Variants in HSD17B14 observed in about 807,000 individuals in gnomAD.
HSD17B14 encodes hydroxysteroid 17-beta dehydrogenase 14, also known as L-fucose dehydrogenase.
HSD17B14 carries 32 observed loss-of-function variants against 32.2 expected under a neutral mutation model. That is an observed-to-expected ratio of 0.99 (90% CI 0.75 to 1.33). The LOEUF (loss-of-function observed/expected upper bound fraction) is 1.33, where lower values mean the gene tolerates loss of function less well. Ranked by LOEUF, HSD17B14 falls within the 40% of genes most tolerant of loss-of-function variation. The pLI, the probability that HSD17B14 is intolerant of heterozygous loss-of-function variation, is 0.00. For missense variants in HSD17B14, 370 were observed against 366.5 expected, an observed-to-expected ratio of 1.01 and a Z score of -0.08; for synonymous variants, 140 against 155.4, an observed-to-expected ratio of 0.90 and a Z score of 0.74.
At position 48,813,168 on chromosome 19, in the gene HSD17B14, A is replaced by G. The variant is rs1157749980; in HGVS notation, c.*7T>C. Reference sequence around the variant, plus strand: ...AGGAAGGGGGCCCCAAGTAGAAATGAGAGAAATCAGGAAGGGATATCGGGG... The same window carrying G: ...AGGAAGGGGGCCCCAAGTAGAAATGGGAGAAATCAGGAAGGGATATCGGGG... On this transcript the variant is annotated 3_prime_UTR_variant, in exon 9 of 9. Transcript: ENST00000263278. The G allele has an allele frequency of 6.4e-7, 1 of 1,574,502 alleles. No homozygotes were observed. Among genetic ancestry groups the G allele is most frequent in the Non-Finnish European group, 8.6e-7 (1 of 1,158,400 alleles).
intron 5 of HSD17B14, among the ~76,000 whole-genome samples, chr19:48,818,415 A>G (rs1416097021): frequency 1.3e-5 from 2 of 151,330 alleles, no homozygotes; most frequent in African/African-American, 2.4e-5. Flanking sequence ...GGAACCTCTC[A>G]TCCTCGCCTC....
intron 4 of HSD17B14, among the ~76,000 whole-genome samples, chr19:48,832,413 AAAAG>A (rs1395813467): frequency 6.6e-6 from 1 of 151,964 alleles, no homozygotes; most frequent in Non-Finnish European, 1.5e-5. Context: ...AAGAGAAGAA[AAAAG>A]AAAAGAAAAG....
chr19:48,834,182 G>A (rs2035404298), intron 3 of HSD17B14, 94 bp downstream of exon 3: 1 of 1,030,092 alleles, frequency 9.7e-7, no homozygotes, highest in African/African-American at 1.6e-5. Context: ...GGAGAGGAAG[G>A]AAAAGTAGAG....
At chr19:48,830,332 C>T (rs1199588298) in intron 5 of HSD17B14, among the ~76,000 whole-genome samples, 3 of 152,130 alleles carry the variant, frequency 2.0e-5, no homozygotes, top group Non-Finnish European at 2.9e-5. Context: ...TGGTTGATAG[C>T]GCCCAACGTC....
chr19:48,813,538 T>C lies in HSD17B14; in HGVS notation c.557A>G (p.Asn186Ser), dbSNP rs138263977. Residue 186 changes from asparagine to serine, a missense_variant, in exon 8 of 9, where the codon AAC becomes AGC. By Grantham distance (46) the Asn-to-Ser change is conservative (BLOSUM62 1). Coordinates refer to ENST00000263278, the MANE Select transcript of HSD17B14 (RefSeq NM_016246.3). Reference sequence around the variant, plus strand: ...CTCCTCCCACAGCGGGGTCCAGATGTTTCCTGGGGAGATACTAGAGGAAGG... The same window carrying C: ...CTCCTCCCACAGCGGGGTCCAGATGCTTCCTGGGGAGATACTAGAGGAAGG... Reference protein sequence around the residue: ...GVRVNCISPGNIWTPLWEELA... With the variant: ...GVRVNCISPGSIWTPLWEELA... 19 of 1,613,936 alleles carry C rather than the reference T, an allele frequency of 1.2e-5. No homozygotes were observed. In the African/African-American group the frequency reaches 2.5e-4, roughly 22 times the overall value.
chr19:48,817,642 A>T (rs1015358738), intron 5 of HSD17B14, among the ~76,000 whole-genome samples: 5 of 152,160 alleles, frequency 3.3e-5, no homozygotes, highest in African/African-American at 1.2e-4. Context: ...GCAGAAACCT[A>T]TGAGGGATGG....
At chr19:48,813,620 C>G in intron 7 of HSD17B14, 43 bp downstream of exon 7, 1 of 1,613,240 alleles carries the variant, frequency 6.2e-7, no homozygotes, top group Non-Finnish European at 8.5e-7. Flanking sequence ...CCCAGTCACC[C>G]CAGTCCCCCC....
intron 5 of HSD17B14, among the ~76,000 whole-genome samples, chr19:48,821,216 T>C (rs1387424019): frequency 6.6e-6 from 1 of 152,042 alleles, no homozygotes; most frequent in South Asian, 2.1e-4. Context: ...GGTTTCACCA[T>C]GTTAGCCAGG....
At chr19:48,834,564 GA>G (rs1214550263) in intron 2 of HSD17B14, among the ~76,000 whole-genome samples, 57 of 80,246 alleles carry the variant, frequency 7.1e-4, no homozygotes, top group Middle Eastern at 5.2e-3. Flanking sequence ...GAAGGGCTGG[GA>G]GCCTGGACTC....
chr19:48,822,701 G>T (rs2035180961), intron 5 of HSD17B14, among the ~76,000 whole-genome samples: 1 of 151,522 alleles, frequency 6.6e-6, no homozygotes, highest in Non-Finnish European at 1.5e-5. Context: ...CAATGATGGT[G>T]ATGCTGTCAT....
rs760513165 is a variant in HSD17B14 at position 48,831,667 on chromosome 19, C to A, written c.369+1G>T. 6.2e-7 allele frequency: 1 copy of A among 1,613,264 alleles called. No individual in the cohort carries two copies. Among genetic ancestry groups the A allele is most frequent in the South Asian group, 1.1e-5 (1 of 91,066 alleles). On this transcript the variant is annotated splice_donor_variant, in intron 5 of 8. Transcript: ENST00000263278. LOFTEE classifies it high-confidence loss of function. The stretch of plus-strand genomic sequence containing the variant: ...CTGGCGGCAGGGTCGCCAGCCCTCA[C>A]CTTGGTCAAGGTGTACGTCCCCAGT...
chr19:48,832,808 C>T (rs2035368601), intron 3 of HSD17B14, 76 bp from the exon 4 acceptor site: 2 of 1,250,730 alleles, frequency 1.6e-6, no homozygotes, highest in African/African-American at 1.5e-5. Flanking sequence ...GGCTGGAGTG[C>T]ATTGGCACGA....
At chr19:48,814,886 G>C (rs1457989682) in intron 6 of HSD17B14, 151 bp downstream of exon 6, 2 of 571,180 alleles carry the variant, frequency 3.5e-6, no homozygotes, top group Non-Finnish European at 6.4e-6. Flanking sequence ...TCTGTCACAG[G>C]CAGTTATGCC....
At chr19:48,822,765 T>G (rs1209987260) in intron 5 of HSD17B14, among the ~76,000 whole-genome samples, 1 of 150,194 alleles carries the variant, frequency 6.7e-6, no homozygotes, top group Non-Finnish European at 1.5e-5. Flanking sequence ...AATGACAGTG[T>G]TGATGGTGAT....
At chr19:48,818,751 G>A (rs1023837762) in intron 5 of HSD17B14, among the ~76,000 whole-genome samples, 5 of 152,032 alleles carry the variant, frequency 3.3e-5, no homozygotes, top group African/African-American at 1.2e-4. Flanking sequence ...TGTAATGTCA[G>A]TGCTTTGGGA....
chr19:48,832,605 G>A (rs1317780457), intron 4 of HSD17B14, 61 bp downstream of exon 4: 26 of 1,425,286 alleles, frequency 1.8e-5, no homozygotes, highest in African/African-American at 2.8e-5. Context: ...GGAAACTGAC[G>A]TGCAGGAAAC....
chr19:48,833,381 A>T (rs1004366881), intron 3 of HSD17B14, among the ~76,000 whole-genome samples: 12 of 152,240 alleles, frequency 7.9e-5, no homozygotes, highest in Non-Finnish European at 1.6e-4. Flanking sequence ...GGAACCCAGA[A>T]ATAATGGAGA....
chr19:48,826,719 G>A (rs193254943), intron 5 of HSD17B14, among the ~76,000 whole-genome samples: 22 of 151,366 alleles, frequency 1.5e-4, no homozygotes, highest in Admixed American at 5.3e-4. Context: ...CCAACCTCCC[G>A]GGAACATTTC....
intron 5 of HSD17B14, among the ~76,000 whole-genome samples, chr19:48,821,860 A>G (rs1417342527): frequency 6.7e-6 from 1 of 148,866 alleles, no homozygotes; most frequent in Non-Finnish European, 1.5e-5. Context: ...TGATGATGAT[A>G]ATGATAGTGA....
Sources: gnomAD v4.1 joint callset for allele counts (sites outside exome capture counted in the v4.1 genomes callset) on GRCh38, gnomAD v4.1.1 for gene constraint, MANE v1.5 for transcripts, NCBI Gene and HGNC (gene_info 2026-07-23, HGNC 2026-07-21) for gene names.